Variants in ATG5 observed in about 807,000 individuals in gnomAD.
ATG5 encodes the protein autophagy related 5.
In ATG5, 14 loss-of-function variants were observed where a neutral mutation model predicts 36.5. That is an observed-to-expected ratio of 0.38 (90% CI 0.25 to 0.60). ATG5 has a LOEUF of 0.60. ATG5 is among the 20% of genes least tolerant of loss of function. The pLI is 0.60. For synonymous variants in ATG5, 95 were observed against 101.5 expected (o/e 0.94, Z 0.38); for missense variants, 195 against 326.7 (o/e 0.60, Z 3.11).
chr6:106,253,170 T>C (rs1778665063), intron 5 of ATG5, among the ~76,000 whole-genome samples: 1 of 152,214 alleles, frequency 6.6e-6, no homozygotes, highest in South Asian at 2.1e-4. Context: ...TAGTAATTAC[T>C]GGTAGGCTGC....
chr6:106,255,211 A>T (rs1018170048), intron 5 of ATG5, among the ~76,000 whole-genome samples: 1 of 152,206 alleles, frequency 6.6e-6, no homozygotes, highest in Non-Finnish European at 1.5e-5. Context: ...TTCCAACTCT[A>T]TCGCTTAAGA....
chr6:106,200,783 T>C (rs947494495), intron 7 of ATG5, among the ~76,000 whole-genome samples: 1 of 152,196 alleles, frequency 6.6e-6, no homozygotes, highest in Non-Finnish European at 1.5e-5. Flanking sequence ...CGACCAACTC[T>C]ATGCAATTTT....
At chr6:106,199,505 G>A (rs1776337471) in intron 7 of ATG5, among the ~76,000 whole-genome samples, 1 of 152,174 alleles carries the variant, frequency 6.6e-6, no homozygotes, top group South Asian at 2.1e-4. Flanking sequence ...AATATAATAG[G>A]CAAATTATAG....
At chr6:106,250,130 T>C (rs1481222682) in intron 5 of ATG5, among the ~76,000 whole-genome samples, 1 of 152,106 alleles carries the variant, frequency 6.6e-6, no homozygotes, top group Non-Finnish European at 1.5e-5. Context: ...CAAAATCTTA[T>C]CTCTATAAAG....
intron 6 of ATG5, among the ~76,000 whole-genome samples, chr6:106,246,067 T>G (rs528194654): frequency 6.6e-6 from 1 of 152,304 alleles, no homozygotes; most frequent in Non-Finnish European, 1.5e-5. Flanking sequence ...TTTATATTCA[T>G]TTTCATATCT....
chr6:106,316,051 C>A, intron 2 of ATG5, 50 bp downstream of exon 2: 15 of 1,463,286 alleles, frequency 1.0e-5, no homozygotes, highest in Non-Finnish European at 1.4e-5. Flanking sequence ...CTTTTTCTTA[C>A]AAAAATGGAC....
intron 6 of ATG5, among the ~76,000 whole-genome samples, chr6:106,246,384 TCTCTCTCTCACACACA>T (rs1177737902): frequency 1.0e-5 from 1 of 96,904 alleles, no homozygotes; most frequent in African/African-American, 4.6e-5. Flanking sequence ...TCTCTCTCTC[TCTCTCTCTCACACACA>T]CACACACACA....
Position 106,279,660 on chromosome 6 carries a change from C to T in ATG5, c.478+1G>A. The T allele has an allele frequency of 6.3e-7, 1 of 1,586,240 alleles. No homozygotes were observed. Among genetic ancestry groups the T allele is most frequent in the Non-Finnish European group, 8.6e-7 (1 of 1,166,458 alleles). On this transcript the variant is annotated splice_donor_variant, in intron 5 of 7. Coordinates refer to ENST00000369076, the MANE Select transcript of ATG5 (RefSeq NM_004849.4). LOFTEE classifies it high-confidence loss of function. The stretch of plus-strand genomic sequence containing the variant: ...CTAAAATTAAACACTATTATACTTA[C>T]CATTTTGCAATCCCATCCAGAGTTG...
chr6:106,314,963 C>T (rs1770785621), intron 2 of ATG5, among the ~76,000 whole-genome samples: 1 of 152,034 alleles, frequency 6.6e-6, no homozygotes, highest in Non-Finnish European at 1.5e-5. Context: ...GTAAGAAAAC[C>T]CATAAAGATG....
chr6:106,205,367 A>C (rs867816974), intron 6 of ATG5, among the ~76,000 whole-genome samples: 6 of 152,240 alleles, frequency 3.9e-5, no homozygotes, highest in Middle Eastern at 3.2e-3. Flanking sequence ...TCATATCCTA[A>C]TTAGTGTATG....
chr6:106,265,198 C>T (rs1485635908), intron 5 of ATG5, among the ~76,000 whole-genome samples: 1 of 146,626 alleles, frequency 6.8e-6, no homozygotes, highest in Non-Finnish European at 1.5e-5. Flanking sequence ...GCAGGGGTTG[C>T]AATCCTAGTC....
At chr6:106,270,468 A>G (rs945156697) in intron 5 of ATG5, among the ~76,000 whole-genome samples, 6 of 152,218 alleles carry the variant, frequency 3.9e-5, no homozygotes, top group Non-Finnish European at 8.8e-5. Context: ...GCTCAGCTAT[A>G]TGTACAAAAA....
At chr6:106,277,183 A>G (rs1316289939) in intron 5 of ATG5, among the ~76,000 whole-genome samples, 1 of 152,262 alleles carries the variant, frequency 6.6e-6, no homozygotes, top group African/African-American at 2.4e-5. Flanking sequence ...CTAAATACCT[A>G]CAAACACCCA....
chr6:106,308,320 C>G, intron 3 of ATG5, 44 bp downstream of exon 3: 2 of 1,445,580 alleles, frequency 1.4e-6, no homozygotes, highest in Non-Finnish European at 1.8e-6. Context: ...CTTTTTAAAG[C>G]TAGTATATAC....
At chr6:106,223,673 C>T (rs1430110121) in intron 6 of ATG5, among the ~76,000 whole-genome samples, 1 of 152,164 alleles carries the variant, frequency 6.6e-6, no homozygotes, top group Non-Finnish European at 1.5e-5. Context: ...TATAGAGATA[C>T]AGAGAGAAAT....
intron 4 of ATG5, among the ~76,000 whole-genome samples, chr6:106,282,317 A>G (rs1222014709): frequency 1.3e-5 from 2 of 152,192 alleles, no homozygotes; most frequent in East Asian, 3.9e-4. Flanking sequence ...TTGCAACATG[A>G]AATGCCATAT....
At chr6:106,187,857 G>A (rs80288430) in intron 7 of ATG5, among the ~76,000 whole-genome samples, 2,790 of 151,854 alleles carry the variant, frequency 0.018, 80 homozygotes, top group African/African-American at 0.064. Flanking sequence ...AGTCAACAGA[G>A]GACACAAAAT....
chr6:106,280,274 C>CAA (rs71793771), intron 4 of ATG5, among the ~76,000 whole-genome samples: 96 of 87,342 alleles, frequency 1.1e-3, no homozygotes, highest in Admixed American at 2.5e-3. Flanking sequence ...AGTATTATGT[C>CAA]AAAAAAAAAA....
chr6:106,267,549 A>C (rs1005544145), intron 5 of ATG5, among the ~76,000 whole-genome samples: 9 of 152,236 alleles, frequency 5.9e-5, no homozygotes, highest in Admixed American at 5.9e-4. Flanking sequence ...CTAAGCAAAA[A>C]GAACGAAGCT....
Sources: allele counts gnomAD v4.1 joint callset (sites outside exome capture counted in the v4.1 genomes callset), GRCh38; gene constraint gnomAD v4.1.1; transcripts MANE v1.5; gene names NCBI Gene and HGNC (gene_info 2026-07-23, HGNC 2026-07-21).